The following ATP11A variants were observed in gnomAD, a reference collection of about 807,000 sequenced individuals.
ATP11A encodes phospholipid-transporting ATPase IH.
A neutral mutation model predicts 154.4 loss-of-function variants in ATP11A; 81 were observed. The ratio of observed to expected loss-of-function variants is 0.52; its 90% CI spans 0.44 to 0.63. The LOEUF is 0.63. ATP11A is among the 30% of genes least tolerant of loss of function. The pLI is 0.00. For synonymous variants in ATP11A, 623 were observed against 585.9 expected, an observed-to-expected ratio of 1.06 and a Z score of -0.91; for missense variants, 1,316 against 1,474.3, an observed-to-expected ratio of 0.89 and a Z score of 1.76.
chr13:112,694,443 A>G lies in ATP11A; in HGVS notation c.39+3988A>G, dbSNP rs182985179. On this transcript the variant is annotated intron_variant, in intron 1 of 29. Transcript: ENST00000375645. ...GCGTCGTGGGTCACAGGAGAGGTAA[A>G]CCGGGCACCCTGACACTGAGCATGG... 4.9e-3 allele frequency among the ~76,000 whole-genome samples: 745 copies of G among 152,178 alleles called. 6 individuals are homozygous for G. Among genetic ancestry groups the G allele is most frequent in the African/African-American group, 0.017 (709 of 41,522 alleles).
chr13:112,790,159 G>A (rs558676127), intron 2 of ATP11A, among the ~76,000 whole-genome samples: 5 of 138,056 alleles, frequency 3.6e-5, no homozygotes, highest in Middle Eastern at 4.5e-3. Flanking sequence ...ATTCACACCC[G>A]GCATCCTGAT....
At chr13:112,878,370 C>G in intron 29 of ATP11A, 67 bp downstream of exon 29, 1 of 1,546,098 alleles carries the variant, frequency 6.5e-7, no homozygotes, top group Non-Finnish European at 8.9e-7. Context: ...ATGCCCATCA[C>G]CAGAGCCCTG....
chr13:112,759,922 G>A (rs1171601010), intron 1 of ATP11A, among the ~76,000 whole-genome samples: 1 of 152,146 alleles, frequency 6.6e-6, no homozygotes, highest in East Asian at 1.9e-4. Context: ...CTTAAAAAGT[G>A]CATGCAACAG....
At position 112,883,179 on chromosome 13, in the gene ATP11A, G is replaced by T. The variant is rs1489199396; in HGVS notation, c.*1313G>T. The T allele has an allele frequency of 1.0e-5, 4 of 397,908 alleles. No individual in the cohort carries two copies. The highest frequency in any genetic ancestry group is 1.8e-5 in the Non-Finnish European group (4 of 226,118). 24.6% of individuals were successfully genotyped at this position (397,908 alleles called of 1,614,324 possible). The stretch of plus-strand genomic sequence containing the variant: ...CGTCCCCACATACCCTCGTCCCCAT[G>T]TCCCCACGCAGGGCTCTCCTTCGTC... On this transcript the variant is annotated 3_prime_UTR_variant, in exon 30 of 30. Coordinates refer to ENST00000375645, the MANE Select transcript of ATP11A (RefSeq NM_015205.3).
intron 1 of ATP11A, among the ~76,000 whole-genome samples, chr13:112,695,352 C>T (rs1885681200): frequency 6.6e-6 from 1 of 152,252 alleles, no homozygotes; most frequent in Admixed American, 6.5e-5. Flanking sequence ...CCAGGCAGCT[C>T]ATCACACGAA....
intron 1 of ATP11A, among the ~76,000 whole-genome samples, chr13:112,757,563 C>T (rs950955678): frequency 3.9e-5 from 6 of 152,202 alleles, no homozygotes; most frequent in African/African-American, 9.7e-5. Context: ...TGATTTGAAT[C>T]GGGAAAAGCA....
At position 112,805,119 on chromosome 13, in the gene ATP11A, G is replaced by C. The variant is rs58231944; in HGVS notation, c.252+73G>C. 2.6e-3 allele frequency: 2,859 copies of C among 1,100,018 alleles called. 65 individuals carry two copies. The African/African-American group carries it at 0.04, about 15-fold the overall frequency. The allele number at this position is 1,100,018 out of a possible 1,614,324, so 68.1% of individuals were successfully genotyped here. A position where few individuals can be genotyped will look rare whatever the true frequency, so the allele number is the denominator to read the frequency against. ...AGTGACATTTTATTCTCAGGTAACT[G>C]CCACACGGCTAATGAAAGAGCAAGG... is the stretch of plus-strand genomic sequence containing the variant. On this transcript the variant is annotated intron_variant, in intron 3 of 29. Transcript: ENST00000375645.
At chr13:112,827,648 A>G (rs1260624494) in intron 12 of ATP11A, among the ~76,000 whole-genome samples, 1 of 152,206 alleles carries the variant, frequency 6.6e-6, no homozygotes, top group Non-Finnish European at 1.5e-5. Context: ...GGTACCAGTA[A>G]ACGGTAATTG....
rs140037432 is a variant in ATP11A at position 112,823,899 on chromosome 13, T to C, written c.791-445T>C. Among the ~76,000 whole-genome samples the C allele has an allele frequency of 4.7e-3, 713 of 152,348 alleles. 5 individuals carry two copies. Among genetic ancestry groups the C allele is most frequent in the Non-Finnish European group, 8.2e-3 (558 of 68,026 alleles). On this transcript the variant is annotated intron_variant, in intron 9 of 29. Transcript: ENST00000375645. ...ACGGATGCCCAAGGCCCTATTTGCA[T>C]GTAGCCTACGCATGTCTGCCCCTGT...
At chr13:112,795,805 T>C (rs2077984903) in intron 2 of ATP11A, among the ~76,000 whole-genome samples, 5 of 152,248 alleles carry the variant, frequency 3.3e-5, no homozygotes, top group Admixed American at 2.6e-4. Context: ...CTTTCTCAAA[T>C]ATTTAAAAAG....
chr13:112,860,964 A>G (rs2080083907), intron 24 of ATP11A, among the ~76,000 whole-genome samples: 1 of 152,144 alleles, frequency 6.6e-6, no homozygotes. Flanking sequence ...CCTGCTGTGA[A>G]GACATACCTG....
chr13:112,756,852 GGGTCTGCTCCCAGCACGT>G (rs1363721581), intron 1 of ATP11A, among the ~76,000 whole-genome samples: 365 of 150,986 alleles, frequency 2.4e-3, no homozygotes, highest in African/African-American at 8.4e-3. Flanking sequence ...TCCCAGCGCG[GGGTCTGCTCCCAGCACGT>G]GGTCTGCTCC....
intron 1 of ATP11A, among the ~76,000 whole-genome samples, chr13:112,748,216 T>G (rs1024866214): frequency 6.6e-6 from 1 of 152,210 alleles, no homozygotes; most frequent in Admixed American, 6.5e-5. Flanking sequence ...GCATTTTGGA[T>G]AAGGGCTACT....
At chr13:112,699,859 T>C (rs1886316739) in intron 1 of ATP11A, among the ~76,000 whole-genome samples, 1 of 152,170 alleles carries the variant, frequency 6.6e-6, no homozygotes, top group Non-Finnish European at 1.5e-5. Context: ...GCCTTTGCTG[T>C]CTCTCTTGTC....
intron 6 of ATP11A, 120 bp downstream of exon 6, chr13:112,816,331 G>T: frequency 7.9e-7 from 1 of 1,270,030 alleles, no homozygotes; most frequent in South Asian, 1.5e-5. Context: ...TGTAACCCAG[G>T]GAGTTACACC....
chr13:112,741,936 C>T (rs909707910), intron 1 of ATP11A, among the ~76,000 whole-genome samples: 11 of 152,012 alleles, frequency 7.2e-5, no homozygotes, highest in African/African-American at 1.5e-4. Flanking sequence ...AGACTGCTCC[C>T]CTTCCCCACG....
intron 1 of ATP11A, among the ~76,000 whole-genome samples, chr13:112,711,651 A>G (rs1044266139): frequency 6.6e-6 from 1 of 152,158 alleles, no homozygotes; most frequent in African/African-American, 2.4e-5. Flanking sequence ...CCGTGCGTTG[A>G]GCCAGGGGTC....
At chr13:112,777,677 G>A (rs188881837) in intron 1 of ATP11A, among the ~76,000 whole-genome samples, 37 of 152,334 alleles carry the variant, frequency 2.4e-4, no homozygotes, top group African/African-American at 8.4e-4. Flanking sequence ...TGTGCTGTGC[G>A]GTTACAGCTG....
chr13:112,878,857 T>TG (rs2080805508), intron 29 of ATP11A, among the ~76,000 whole-genome samples: 4 of 152,242 alleles, frequency 2.6e-5, no homozygotes, highest in Admixed American at 2.6e-4. Context: ...GCCACACAAC[T>TG]GGAGACAAAG....
Sources: gnomAD v4.1 joint callset for allele counts (sites outside exome capture counted in the v4.1 genomes callset) on GRCh38, gnomAD v4.1.1 for gene constraint, MANE v1.5 for transcripts, NCBI Gene and HGNC (gene_info 2026-07-23, HGNC 2026-07-21) for gene names.